EMID1: variants seen among roughly 807,000 people sequenced by gnomAD.
EMID1 encodes the protein EMI domain-containing protein 1.
In EMID1, 40 loss-of-function variants were observed where a neutral mutation model predicts 60.6. The ratio of observed to expected loss-of-function variants is 0.66; its 90% confidence interval spans 0.51 to 0.86. The LOEUF is 0.86. Among genes scored for constraint, EMID1 ranks in the 40% least tolerant of loss-of-function variants. The pLI is 0.00. For synonymous variants in EMID1, 242 were observed against 231.0 expected, an observed-to-expected ratio of 1.05 and a Z score of -0.43; for missense variants, 585 against 597.1, an observed-to-expected ratio of 0.98 and a Z score of 0.21.
At chr22:29,245,965 A>G (rs542368107) in intron 13 of EMID1, among the ~76,000 whole-genome samples, 161 of 152,204 alleles carry the variant, frequency 1.1e-3, no homozygotes, top group Non-Finnish European at 2.0e-3. Flanking sequence ...CACAGATGCA[A>G]TTCAGACACA....
chr22:29,213,439 T>C (rs2146128727), intron 1 of EMID1, among the ~76,000 whole-genome samples: 3 of 152,292 alleles, frequency 2.0e-5, no homozygotes, highest in East Asian at 3.9e-4. Flanking sequence ...GTACCTAGGT[T>C]GTTTCCTCTT....
intron 8 of EMID1, chr22:29,232,625 C>A (rs115104475): frequency 1.3e-5 from 7 of 535,438 alleles, no homozygotes; most frequent in South Asian, 3.0e-5. Context: ...ACAGCCTGGG[C>A]GTAGGGGAAC....
Position 29,226,511 on chromosome 22 carries a change from T to C in EMID1, c.425T>C (p.Val142Ala), listed in dbSNP as rs779770498. 6.2e-7 allele frequency: 1 copy of C among 1,611,884 alleles called. No individual in the cohort carries two copies. Among genetic ancestry groups the C allele is most frequent in the Non-Finnish European group, 8.5e-7 (1 of 1,179,044 alleles). The part of the protein sequence containing the change: ...AFSGCLNCSK[V>A]SELTERLKVL... ...GCAGGTTGTCTCAACTGCAGCAAAG[T>C]GTCAGAGCTGACAGAGCGGCTGAAG... Residue 142 changes from valine (V) to alanine (A), a missense_variant, in exon 5 of 15, where the codon GTG (valine) becomes GCG (alanine). Val to Ala is a moderately conservative substitution (Grantham distance 64). Transcript: ENST00000334018.
At chr22:29,223,062 G>A (rs1160028810) in intron 3 of EMID1, among the ~76,000 whole-genome samples, 1 of 152,176 alleles carries the variant, frequency 6.6e-6, no homozygotes, top group African/African-American at 2.4e-5. Context: ...CTGCACTCCA[G>A]TCTGGGTGAC....
At chr22:29,225,288 G>A (rs1204941311) in intron 4 of EMID1, 72 bp downstream of exon 4, 12 of 1,508,680 alleles carry the variant, frequency 8.0e-6, no homozygotes, top group Admixed American at 1.7e-5. Flanking sequence ...GGGCAGTTTG[G>A]TAACTGTCCT....
intron 1 of EMID1, among the ~76,000 whole-genome samples, chr22:29,209,098 C>T (rs890628666): frequency 1.1e-4 from 16 of 152,224 alleles, no homozygotes; most frequent in African/African-American, 3.6e-4. Flanking sequence ...TTCATCACAG[C>T]CCTTGGCCCC....
At chr22:29,230,237 G>A (rs530776069) in intron 5 of EMID1, among the ~76,000 whole-genome samples, 2 of 152,198 alleles carry the variant, frequency 1.3e-5, no homozygotes, top group Admixed American at 6.5e-5. Flanking sequence ...GGAGGCTGAG[G>A]CAGGAGAATC....
intron 1 of EMID1, among the ~76,000 whole-genome samples, chr22:29,207,010 G>C (rs1052580214): frequency 7.2e-5 from 11 of 152,324 alleles, no homozygotes; most frequent in African/African-American, 2.4e-4. Context: ...GCCAGCCGCC[G>C]TTGTCCAAGG....
chr22:29,253,702 G>A (rs2041603477), intron 13 of EMID1, among the ~76,000 whole-genome samples: 1 of 152,240 alleles, frequency 6.6e-6, no homozygotes, highest in Non-Finnish European at 1.5e-5. Context: ...GGAAATACTG[G>A]TAAGTAGCCT....
intron 12 of EMID1, among the ~76,000 whole-genome samples, chr22:29,237,638 A>C (rs1160202496): frequency 7.0e-6 from 1 of 143,412 alleles, no homozygotes; most frequent in Non-Finnish European, 1.5e-5. Flanking sequence ...CTCTACTAAA[A>C]ATACAAAAAA....
chr22:29,258,175 GC>G (rs1489631303), intron 14 of EMID1, among the ~76,000 whole-genome samples: 1 of 152,208 alleles, frequency 6.6e-6, no homozygotes, highest in African/African-American at 2.4e-5. Context: ...CTTCTGACCT[GC>G]CTGGCCTGCT....
rs866926624 is a variant in EMID1 at position 29,259,485 on chromosome 22, T to C, written c.*541T>C. The C allele has an allele frequency of 4.8e-5, 8 of 167,308 alleles. No individual in the cohort carries two copies. The highest frequency in any genetic ancestry group is 1.6e-4 in the South Asian group (1 of 6,192). The allele number at this position is 167,308 out of a possible 1,614,324, so 10.4% of individuals were successfully genotyped here. On this transcript the variant is annotated 3_prime_UTR_variant, in exon 15 of 15. Coordinates refer to ENST00000334018, the MANE Select transcript of EMID1 (RefSeq NM_133455.4). ...CCCCCAGGCCCTCCCGCATCTCAGG[T>C]TGGGGATGGGGACATGGAGAGGAAG...
intron 1 of EMID1, among the ~76,000 whole-genome samples, chr22:29,206,703 G>A (rs559829054): frequency 1.1e-4 from 16 of 152,214 alleles, no homozygotes; most frequent in Admixed American, 5.9e-4. Context: ...CTAGCGGCGG[G>A]GAACCTCCTC....
At position 29,250,733 on chromosome 22, in the gene EMID1, A is replaced by ATTTTTTTTTTTTTTTTTTTTTTTT. The variant is rs748172215; in HGVS notation, c.1120-3458_1120-3435dup. On this transcript the variant is annotated intron_variant, in intron 13 of 14. Coordinates refer to ENST00000334018, the MANE Select transcript of EMID1 (RefSeq NM_133455.4). ...AGGCATGCACCACCACACCCGGCTA[A>ATTTTTTTTTTTTTTTTTTTTTTTT]TTTTTTTTTTTTTTTTTTTTTTTTT... Among the ~76,000 whole-genome samples the ATTTTTTTTTTTTTTTTTTTTTTTT allele has an allele frequency of 1.3e-4, 3 of 22,476 alleles. 1 individual carries two copies. The highest frequency in any genetic ancestry group is 3.0e-4 in the African/African-American group (2 of 6,770). The allele number at this position is 22,476 out of a possible 152,430, so 14.7% of individuals were successfully genotyped here. A position where few individuals can be genotyped will look rare whatever the true frequency, so the allele number is the denominator to read the frequency against.
In EMID1 at chr22:29,231,667, A is replaced by G; in HGVS notation, c.661A>G (p.Met221Val). 2 of 1,469,654 alleles carry G rather than the reference A, an allele frequency of 1.4e-6. No homozygotes were observed. Among genetic ancestry groups the G allele is most frequent in the Non-Finnish European group, 9.0e-7 (1 of 1,106,114 alleles). 91.0% of individuals were successfully genotyped at this position (1,469,654 alleles called of 1,614,324 possible). A position where few individuals can be genotyped will look rare whatever the true frequency, so the allele number is the denominator to read the frequency against. The change falls in exon 7 of 15, where the codon ATG becomes GTG. Residue 221 changes from methionine (M) to valine (V), a missense_variant. Physicochemically the swap from Met to Val is conservative, Grantham distance 21. Coordinates refer to ENST00000334018, the MANE Select transcript of EMID1 (RefSeq NM_133455.4). ...GDAGSRGPMG[M>V]RGPPGPQGPP... ...TGCCGGCAGTCGGGGCCCAATGGGGATGAGAGGCCCACCAGGTGAGTGCCC... is the reference window on the plus strand; with the variant it reads ...TGCCGGCAGTCGGGGCCCAATGGGGGTGAGAGGCCCACCAGGTGAGTGCCC...
At chr22:29,245,730 A>G (rs943999007) in intron 13 of EMID1, among the ~76,000 whole-genome samples, 3 of 152,184 alleles carry the variant, frequency 2.0e-5, no homozygotes, top group Non-Finnish European at 2.9e-5. Context: ...GGTGGTCATG[A>G]TAGTGCACTG....
chr22:29,255,647 C>G (rs376085424), intron 14 of EMID1: 1 of 296,558 alleles, frequency 3.4e-6, no homozygotes, highest in Non-Finnish European at 6.2e-6. Flanking sequence ...TCAGGAGAAC[C>G]CTGACACTGG....
intron 12 of EMID1, among the ~76,000 whole-genome samples, chr22:29,241,933 T>C (rs1175461037): frequency 6.6e-6 from 1 of 152,012 alleles, no homozygotes; most frequent in African/African-American, 2.4e-5. Flanking sequence ...TTTTTTGAGA[T>C]AGGGTCTTGC....
chr22:29,248,341 C>T lies in EMID1; in HGVS notation c.1119+4852C>T, dbSNP rs1283492978. On this transcript the variant is annotated intron_variant, in intron 13 of 14. Transcript: ENST00000334018. Reference sequence around the variant, plus strand: ...AAACACATACATTAGCCTAGGCCTACACAGGGTCAGGATCATCAGTATCAC... The same window carrying T: ...AAACACATACATTAGCCTAGGCCTATACAGGGTCAGGATCATCAGTATCAC... Among the ~76,000 whole-genome samples, 3 of 147,514 alleles carry T rather than the reference C, an allele frequency of 2.0e-5. No homozygotes were observed. The East Asian group carries it at 6.2e-4, about 31-fold the overall frequency.
Sources: gnomAD v4.1 joint callset for allele counts (sites outside exome capture counted in the v4.1 genomes callset) on GRCh38, gnomAD v4.1.1 for gene constraint, MANE v1.5 for transcripts, NCBI Gene and HGNC (gene_info 2026-07-23, HGNC 2026-07-21) for gene names.